PDE4D: variants seen among roughly 807,000 people sequenced by gnomAD.
PDE4D encodes phosphodiesterase 4D.
A neutral mutation model predicts 87.4 loss-of-function variants in PDE4D; 24 were observed. The observed-to-expected ratio is 0.27, with a 90% CI of 0.20 to 0.39. The LOEUF (loss-of-function observed/expected upper bound fraction) is 0.39. PDE4D is among the 10% of genes least tolerant of loss of function. The probability of loss-of-function intolerance (pLI) is 1.00; values close to 1 mark genes in which losing one functional copy is unlikely to be tolerated. For missense variants in PDE4D, 714 were observed against 1,041.0 expected, an observed-to-expected ratio of 0.69 and a Z score of 4.32; for synonymous variants, 384 against 383.2, an observed-to-expected ratio of 1.00 and a Z score of -0.02.
chr5:59,791,469 T>C (rs1031603319), intron 1 of PDE4D, among the ~76,000 whole-genome samples: 1 of 152,184 alleles, frequency 6.6e-6, no homozygotes, highest in Non-Finnish European at 1.5e-5. Context: ...AATGAAGACA[T>C]TGTGCTGCTA....
chr5:59,393,723 A>C (rs981027163), intron 1 of PDE4D, among the ~76,000 whole-genome samples: 1 of 152,240 alleles, frequency 6.6e-6, no homozygotes, highest in Non-Finnish European at 1.5e-5. Flanking sequence ...AATAATTTTT[A>C]AAGGACTTGT....
chr5:59,870,207 G>C (rs1222973038), intron 1 of PDE4D, among the ~76,000 whole-genome samples: 1 of 152,122 alleles, frequency 6.6e-6, no homozygotes, highest in Non-Finnish European at 1.5e-5. Context: ...TGCCACATTG[G>C]CCCAACCTTG....
rs117247351 is a variant in PDE4D at position 59,732,079 on chromosome 5, G to A, written c.455+161089C>T. Among the ~76,000 whole-genome samples the A allele has an allele frequency of 1.4e-3, 216 of 152,182 alleles. 2 individuals carry two copies. The highest frequency in any genetic ancestry group is 5.0e-3 in the African/African-American group (207 of 41,530). ...ATCTGTCTAGATAGATCACTGCTGC[G>A]CAAACATCATTGCAGTTCCTAATGA... On this transcript the variant is annotated intron_variant, in intron 1 of 14. Transcript: ENST00000340635.
intron 1 of PDE4D, among the ~76,000 whole-genome samples, chr5:60,476,588 G>A (rs990382355): frequency 6.6e-6 from 1 of 152,160 alleles, no homozygotes. Flanking sequence ...GTCTACAAAG[G>A]CCTTGCGTGA....
At chr5:59,859,087 T>C (rs946672754) in intron 1 of PDE4D, among the ~76,000 whole-genome samples, 4 of 152,192 alleles carry the variant, frequency 2.6e-5, no homozygotes, top group African/African-American at 9.6e-5. Context: ...TTTAAATTGA[T>C]AGCCATTATA....
intron 1 of PDE4D, among the ~76,000 whole-genome samples, chr5:60,213,277 G>A (rs1422792153): frequency 6.6e-6 from 1 of 152,170 alleles, no homozygotes; most frequent in African/African-American, 2.4e-5. Flanking sequence ...TATTGCTTTG[G>A]TTATTGTTGC....
chr5:59,775,159 T>C (rs1763954761), intron 1 of PDE4D, among the ~76,000 whole-genome samples: 1 of 152,198 alleles, frequency 6.6e-6, no homozygotes, highest in Admixed American at 6.5e-5. Flanking sequence ...ATGCCCTCTC[T>C]AAATATTACT....
intron 2 of PDE4D, among the ~76,000 whole-genome samples, chr5:60,032,091 T>C (rs996953015): frequency 6.6e-6 from 1 of 152,118 alleles, no homozygotes; most frequent in Non-Finnish European, 1.5e-5. Flanking sequence ...AATTTAGTAA[T>C]TCAGGGAAAT....
At chr5:59,995,321 C>CTTTTTT (rs70975357) in intron 2 of PDE4D, among the ~76,000 whole-genome samples, 1 of 140,158 alleles carries the variant, frequency 7.1e-6, no homozygotes, top group Non-Finnish European at 1.5e-5. Flanking sequence ...TTCTTTCTTT[C>CTTTTTT]TTTTTTTTTT....
chr5:59,329,383 T>C (rs920085734), intron 1 of PDE4D, among the ~76,000 whole-genome samples: 12 of 152,294 alleles, frequency 7.9e-5, no homozygotes, highest in South Asian at 2.1e-4. Flanking sequence ...AGCATAAACA[T>C]ATACCTTTTT....
At chr5:59,079,883 A>AGGAGG (rs1441650894) in intron 5 of PDE4D, among the ~76,000 whole-genome samples, 7 of 102,112 alleles carry the variant, frequency 6.9e-5, no homozygotes, top group Non-Finnish European at 1.2e-4. Context: ...AGGAGAGGAG[A>AGGAGG]AGGGGAATGG....
intron 6 of PDE4D, among the ~76,000 whole-genome samples, chr5:58,996,310 A>T (rs1749216338): frequency 6.6e-6 from 1 of 152,220 alleles, no homozygotes; most frequent in Non-Finnish European, 1.5e-5. Context: ...CTTTACAGAT[A>T]AATTCACACT....
chr5:60,277,293 A>AT (rs1751471221), intron 1 of PDE4D, among the ~76,000 whole-genome samples: 1 of 146,506 alleles, frequency 6.8e-6, no homozygotes, highest in African/African-American at 2.8e-5. Flanking sequence ...GAGGAAACAG[A>AT]TTTAAAAATA....
chr5:59,957,391 A>C (rs567951223), intron 3 of PDE4D, among the ~76,000 whole-genome samples: 73 of 151,784 alleles, frequency 4.8e-4, no homozygotes, highest in African/African-American at 1.7e-3. Flanking sequence ...TTTTGCTATC[A>C]ACTCAGTAAC....
chr5:59,588,640 C>T (rs191920324), intron 1 of PDE4D, among the ~76,000 whole-genome samples: 1 of 152,222 alleles, frequency 6.6e-6, no homozygotes, highest in Admixed American at 6.5e-5. Flanking sequence ...TCTTAAAAAC[C>T]ACCATAATTT....
chr5:60,004,503 G>GT lies in PDE4D; in HGVS notation c.43-15787dup, dbSNP rs1240428850. ...TTAATTATTTTTATTGTTTTATTAT[G>GT]TTTTTTCAAATATTTTTGATTCTCA... On this transcript the variant is annotated intron_variant, in intron 2 of 16. Coordinates refer to the PDE4D transcript ENST00000502484. 7.2e-5 allele frequency among the ~76,000 whole-genome samples: 11 copies of GT among 151,902 alleles called. No individual in the cohort carries two copies. In the East Asian group the frequency reaches 1.3e-3, roughly 19 times the overall value.
chr5:59,181,961 T>C (rs968900500), intron 4 of PDE4D, among the ~76,000 whole-genome samples: 7 of 152,124 alleles, frequency 4.6e-5, no homozygotes, highest in Admixed American at 3.3e-4. Flanking sequence ...TGGGGGAAAG[T>C]TGGGGAAAGC....
intron 3 of PDE4D, among the ~76,000 whole-genome samples, chr5:59,923,671 C>T (rs1487875817): frequency 6.6e-6 from 1 of 152,220 alleles, no homozygotes; most frequent in Non-Finnish European, 1.5e-5. Flanking sequence ...CTTGGGGTGC[C>T]CCCTAATGCA....
At chr5:59,990,913 T>C (rs2152832235) in intron 2 of PDE4D, among the ~76,000 whole-genome samples, 1 of 152,278 alleles carries the variant, frequency 6.6e-6, no homozygotes, top group Middle Eastern at 3.4e-3. Flanking sequence ...GGATGATTGA[T>C]CACCCTACAT....
Sources: allele counts gnomAD v4.1 joint callset (sites outside exome capture counted in the v4.1 genomes callset), GRCh38; gene constraint gnomAD v4.1.1; transcripts MANE v1.5; gene names NCBI Gene and HGNC (gene_info 2026-07-23, HGNC 2026-07-21).